The following EFTUD2 variants were observed in gnomAD, a reference collection of about 807,000 sequenced individuals.
The protein encoded by EFTUD2 is elongation factor Tu GTP binding domain containing 2, also known as 116 kDa U5 small nuclear ribonucleoprotein component.
In EFTUD2, 9 loss-of-function variants were observed where a neutral mutation model predicts 114.3. That is an observed-to-expected ratio of 0.08 (90% confidence interval 0.05 to 0.14). The LOEUF (loss-of-function observed/expected upper bound fraction) is 0.14. EFTUD2 is among the 10% of genes least tolerant of loss of function. EFTUD2 has a pLI of 1.00. For synonymous variants in EFTUD2, 449 were observed against 462.3 expected, an observed-to-expected ratio of 0.97 and a Z score of 0.37; for missense variants, 765 against 1,241.2, an observed-to-expected ratio of 0.62 and a Z score of 5.76.
intron 9 of EFTUD2, among the ~76,000 whole-genome samples, chr17:44,876,626 G>A (rs2050955155): frequency 1.3e-5 from 2 of 152,022 alleles, no homozygotes; most frequent in South Asian, 4.2e-4. Flanking sequence ...GCTGAGGTGG[G>A]CGAATCACGA....
At chr17:44,892,631 C>CTTTTTTTTTTTT (rs967860195) in intron 2 of EFTUD2, among the ~76,000 whole-genome samples, 1 of 101,376 alleles carries the variant, frequency 9.9e-6, no homozygotes, top group Non-Finnish European at 1.9e-5. Flanking sequence ...ACTGTAAAAC[C>CTTTTTTTTTTTT]TTTTTTTTTT....
chr17:44,877,833 C>CAACA (rs2050995241), intron 9 of EFTUD2, among the ~76,000 whole-genome samples: 1 of 143,146 alleles, frequency 7.0e-6, no homozygotes, highest in African/African-American at 2.5e-5. Flanking sequence ...ACAACAACAA[C>CAACA]AACAACAAAC....
At position 44,860,059 on chromosome 17, in the gene EFTUD2, C is replaced by T. The variant is rs2050628428; in HGVS notation, c.1720-14G>A. 7 of 1,614,062 alleles carry T rather than the reference C, an allele frequency of 4.3e-6. No homozygotes were observed. Among genetic ancestry groups the T allele is most frequent in the Admixed American group, 1.7e-5 (1 of 60,008 alleles). On this transcript the variant is annotated splice_polypyrimidine_tract_variant and intron_variant, in intron 17 of 27. Transcript: ENST00000426333. ...GAAAATCTGAGCCTGAGATCCAAAG[C>T]ACAAAGGACTGAGGGCAACTGGCAT...
chr17:44,875,313 G>A (rs2050926840), intron 10 of EFTUD2, among the ~76,000 whole-genome samples: 1 of 152,090 alleles, frequency 6.6e-6, no homozygotes, highest in South Asian at 2.1e-4. Context: ...GGCGGATCAC[G>A]AGCTCAGAAG....
In EFTUD2 at chr17:44,851,717, C is replaced by T. The variant is rs763935473; in HGVS notation, c.2816G>A (p.Arg939His). The part of the protein sequence containing the change: ...LAREFMIKTR[R>H]RKGLSEDVSI... ...GGCCCAAGGGAGACATACCTTCCTA[C>T]GGCGGGTTTTGATCATGAATTCCCG... Residue 939 changes from arginine (R) to histidine (H), a missense_variant, in exon 27 of 28, where the codon CGT (arginine) becomes CAT (histidine). By Grantham distance (29) the Arg-to-His change is conservative. Around this residue, in one of 6 missense-constraint regions of EFTUD2, gnomAD observed 166 missense variants for 401.5 expected, o/e 0.41. Coordinates refer to ENST00000426333, the MANE Select transcript of EFTUD2 (RefSeq NM_004247.4). 15 of 1,578,860 alleles carry T rather than the reference C, an allele frequency of 9.5e-6. No homozygotes were observed. Among genetic ancestry groups the T allele is most frequent in the African/African-American group, 2.7e-5 (2 of 73,670 alleles).
chr17:44,880,220 G>T (rs2051046869), intron 8 of EFTUD2, among the ~76,000 whole-genome samples: 1 of 152,212 alleles, frequency 6.6e-6, no homozygotes, highest in Non-Finnish European at 1.5e-5. Context: ...TCAAAAGACT[G>T]AGAGTACTCA....
In EFTUD2 at chr17:44,854,360, T is replaced by C. The variant is rs561273946; in HGVS notation, c.2260-4A>G. The C allele has an allele frequency of 3.2e-5, 52 of 1,613,078 alleles. No individual in the cohort carries two copies. Among genetic ancestry groups the C allele is most frequent in the East Asian group, 1.1e-4 (5 of 44,880 alleles). On this transcript the variant is annotated splice_polypyrimidine_tract_variant and splice_region_variant and intron_variant, in intron 22 of 27. Coordinates refer to ENST00000426333, the MANE Select transcript of EFTUD2 (RefSeq NM_004247.4). The surrounding 1 kb of genome is among the most constrained non-coding windows in gnomAD (Gnocchi z 4.3). ...AACCAAGAAGAGCCTTGTCCACCTA[T>C]AGAGAAACATGAGGCCTCCTTAGCA...
intron 9 of EFTUD2, among the ~76,000 whole-genome samples, chr17:44,876,466 T>C (rs1226621482): frequency 6.6e-6 from 1 of 152,146 alleles, no homozygotes; most frequent in Non-Finnish European, 1.5e-5. Context: ...TAGATATGTA[T>C]GAGTGTATAT....
chr17:44,871,321 G>A (rs1361874842), intron 11 of EFTUD2, among the ~76,000 whole-genome samples: 1 of 150,358 alleles, frequency 6.7e-6, no homozygotes, highest in Admixed American at 6.6e-5. Flanking sequence ...CACTGCACCT[G>A]GTCAAAAAAG....
chr17:44,859,638 T>TACGC, intron 18 of EFTUD2: 2 of 540,396 alleles, frequency 3.7e-6, no homozygotes, highest in East Asian at 3.0e-5. Context: ...GGAACACAAA[T>TACGC]ACGCACACAC....
At chr17:44,878,343 T>C (rs1444625816) in intron 9 of EFTUD2, among the ~76,000 whole-genome samples, 9 of 152,146 alleles carry the variant, frequency 5.9e-5, no homozygotes, top group Non-Finnish European at 7.4e-5. Flanking sequence ...ACAAAATAAG[T>C]GCCCTGTACT....
chr17:44,868,385 G>C, intron 11 of EFTUD2, 35 bp from the exon 12 acceptor site: 1 of 1,604,592 alleles, frequency 6.2e-7, no homozygotes, highest in South Asian at 1.1e-5. Context: ...AATCTACCTA[G>C]CAAAGTGTCG....
In EFTUD2 at chr17:44,880,655, C is replaced by T. The variant is rs776087937; in HGVS notation, c.529-11G>A. On this transcript the variant is annotated splice_polypyrimidine_tract_variant and intron_variant, in intron 7 of 27. Coordinates refer to ENST00000426333, the MANE Select transcript of EFTUD2 (RefSeq NM_004247.4). ...GATGCCTACACCTCTCTGAAAGGAA[C>T]AAAGAGTGGTCAAGACCTCTTCCTA... 2.5e-6 allele frequency: 4 copies of T among 1,611,136 alleles called. No individual in the cohort carries two copies. The highest frequency in any genetic ancestry group is 2.7e-5 in the African/African-American group (2 of 74,856).
chr17:44,888,819 C>T (rs1030263931), intron 2 of EFTUD2, among the ~76,000 whole-genome samples: 2 of 152,126 alleles, frequency 1.3e-5, no homozygotes, highest in African/African-American at 4.8e-5. Flanking sequence ...TGAGTTAACG[C>T]CAGGCTTGAG....
chr17:44,874,524 T>G (rs1248840996), intron 10 of EFTUD2, among the ~76,000 whole-genome samples: 1 of 152,156 alleles, frequency 6.6e-6, no homozygotes, highest in Non-Finnish European at 1.5e-5. Flanking sequence ...TCCCCAATCC[T>G]TAAATGGAGA....
intron 9 of EFTUD2, among the ~76,000 whole-genome samples, chr17:44,879,346 A>C (rs1377436276): frequency 6.6e-6 from 1 of 152,158 alleles, no homozygotes; most frequent in African/African-American, 2.4e-5. Context: ...TCAGCCTCCC[A>C]AAGTGCTGGG....
At position 44,850,939 on chromosome 17, in the gene EFTUD2, A is replaced by G; in HGVS notation, c.*335T>C. 1 of 327,506 alleles carries G rather than the reference A, an allele frequency of 3.1e-6. No individual in the cohort carries two copies. Among genetic ancestry groups the G allele is most frequent in the Non-Finnish European group, 5.8e-6 (1 of 172,360 alleles). 20.3% of individuals were successfully genotyped at this position (327,506 alleles called of 1,614,324 possible). ...GTCAGAATGTTCTGTTCACTTGCAA[A>G]CCATGGCTAAGGTCAAACTTGTAGA... On this transcript the variant is annotated 3_prime_UTR_variant, in exon 28 of 28. Coordinates refer to ENST00000426333, the MANE Select transcript of EFTUD2 (RefSeq NM_004247.4).
intron 2 of EFTUD2, among the ~76,000 whole-genome samples, chr17:44,887,690 G>A (rs938676826): frequency 2.0e-5 from 3 of 152,116 alleles, no homozygotes; most frequent in African/African-American, 4.8e-5. Context: ...GTGGGTGGGA[G>A]GACAATGGGT....
intron 11 of EFTUD2, 35 bp downstream of exon 11, chr17:44,872,411 G>T: frequency 6.2e-7 from 1 of 1,607,996 alleles, no homozygotes; most frequent in Non-Finnish European, 8.5e-7. Flanking sequence ...GGACTCAGGG[G>T]AAGCTGGTGA....
Sources: gnomAD v4.1 joint callset for allele counts (sites outside exome capture counted in the v4.1 genomes callset) on GRCh38, gnomAD v4.1.1 for gene constraint, gnomAD v4.1.1 regional missense constraint, Gnocchi (gnomAD v3.1) non-coding constraint, MANE v1.5 for transcripts, NCBI Gene and HGNC (gene_info 2026-07-23, HGNC 2026-07-21) for gene names.